The following MUC17 variants were observed in gnomAD, a reference collection of about 807,000 sequenced individuals.
The protein encoded by MUC17 is mucin-17.
Under a neutral mutation model 170.3 loss-of-function variants are expected in MUC17, and 190 were observed. That is an observed-to-expected ratio of 1.12 (90% CI 0.99 to 1.26). MUC17 has a LOEUF of 1.26. MUC17 is among the 50% of genes most tolerant of loss of function. The pLI, the probability that MUC17 is intolerant of heterozygous loss-of-function variation, is 0.00. For missense variants in MUC17, 6,415 were observed against 5,530.0 expected (o/e 1.16, Z -5.08); for synonymous variants, 2,325 against 2,002.5 (o/e 1.16, Z -4.30).
chr7:101,038,929 G>C lies in MUC17; in HGVS notation c.7513G>C (p.Val2505Leu). The C allele has an allele frequency of 1.2e-6, 2 of 1,609,852 alleles. No homozygotes were observed. The highest frequency in any genetic ancestry group is 1.1e-5 in the South Asian group (1 of 90,856). Residue 2505 changes from valine to leucine, a missense_variant, in exon 3 of 13, where the codon GTG becomes CTG. By Grantham distance (32) the Val-to-Leu change is conservative. Coordinates refer to ENST00000306151, the MANE Select transcript of MUC17 (RefSeq NM_001040105.2). ...TCCTACAACTGCTGAAGATATCGTCGTGCCAATCTCAACTGCTAGTGAAGG... is the reference window on the plus strand; with the variant it reads ...TCCTACAACTGCTGAAGATATCGTCCTGCCAATCTCAACTGCTAGTGAAGG... ...SSPTTAEDIV[V>L]PISTASEGST... is the part of the protein sequence containing the mutation.
intron 11 of MUC17, among the ~76,000 whole-genome samples, 169 bp from the exon 12 acceptor site, chr7:101,056,025 G>C (rs930638299): frequency 3.3e-5 from 5 of 152,152 alleles, no homozygotes; most frequent in African/African-American, 1.2e-4. Context: ...CTGTATTAGG[G>C]AGCTGCTGAG....
In MUC17 at chr7:101,031,739, C is replaced by G. The variant is rs1051384198; in HGVS notation, c.323C>G (p.Thr108Ser). The G allele has an allele frequency of 5.6e-6, 9 of 1,604,584 alleles. No individual in the cohort carries two copies. Among genetic ancestry groups the G allele is most frequent in the Non-Finnish European group, 6.8e-6 (8 of 1,171,496 alleles). Residue 108 changes from threonine (T) to serine (S), a missense_variant, in exon 3 of 13, where the codon ACC (threonine) becomes AGC (serine). Physicochemically the swap from Thr to Ser is moderately conservative, Grantham distance 58. Coordinates refer to ENST00000306151, the MANE Select transcript of MUC17 (RefSeq NM_001040105.2). ...VTSDTPGVSS[T>S]RMTPTESRTT... Reference sequence around the variant, plus strand: ...TCAGACACTCCTGGTGTCTCCAGTACCAGGATGACACCAACAGAATCCAGA... The same window carrying G: ...TCAGACACTCCTGGTGTCTCCAGTAGCAGGATGACACCAACAGAATCCAGA...
At position 101,041,670 on chromosome 7, in the gene MUC17, C is replaced by A. The variant is rs145956524; in HGVS notation, c.10254C>A (p.Thr3418=). Residue 3418 remains threonine (T), a synonymous_variant, in exon 3 of 13, where the codon ACC becomes ACA. Coordinates refer to ENST00000306151, the MANE Select transcript of MUC17 (RefSeq NM_001040105.2). The stretch of plus-strand genomic sequence containing the variant: ...CGGTGGTCAGTTCTGAGGTTAACAC[C>A]CTTTCAACAACTCCTGTGGACTCCA... The part of the protein sequence containing the change: ...TTPVVSSEVN[T]LSTTPVDSNT... 1 of 1,613,772 alleles carries A rather than the reference C, an allele frequency of 6.2e-7. No individual in the cohort carries two copies. The highest frequency in any genetic ancestry group is 1.3e-5 in the African/African-American group (1 of 74,830).
rs1449000678 is a variant in MUC17 at position 101,038,837 on chromosome 7, G to T, written c.7421G>T (p.Gly2474Val). 6.2e-7 allele frequency: 1 copy of T among 1,612,512 alleles called. No homozygotes were observed. Among genetic ancestry groups the T allele is most frequent in the East Asian group, 2.2e-5 (1 of 44,774 alleles). ...ACGCCGGTGGTCAGTTCTGAGGCTG[G>T]CACCCTTTCCACAACTCCTGTTGAC... The part of the protein sequence containing the change: ...STTPVVSSEA[G>V]TLSTTPVDTS... The change falls in exon 3 of 13, where the codon GGC becomes GTC. Residue 2474 changes from glycine to valine, a missense_variant. Physicochemically the swap from Gly to Val is moderately radical, Grantham distance 109. Coordinates refer to ENST00000306151, the MANE Select transcript of MUC17 (RefSeq NM_001040105.2).
chr7:101,043,697 C>A lies in MUC17; in HGVS notation c.12281C>A (p.Thr4094Asn). ...VNPEAVTTMTTRTKPSTRTTS... is the reference protein window; with the variant it reads ...VNPEAVTTMTNRTKPSTRTTS... ...CCTGAGGCTGTCACCACCATGACCA[C>A]CAGGACAAAACCCAGCACACGGACC... Residue 4094 changes from threonine to asparagine, a missense_variant, in exon 3 of 13, where the codon ACC (threonine) becomes AAC (asparagine). Coordinates refer to ENST00000306151, the MANE Select transcript of MUC17 (RefSeq NM_001040105.2). The A allele has an allele frequency of 1.2e-6, 2 of 1,614,170 alleles. No individual in the cohort carries two copies. The highest frequency in any genetic ancestry group is 1.7e-6 in the Non-Finnish European group (2 of 1,180,028).
At position 101,040,693 on chromosome 7, in the gene MUC17, A is replaced by G. The variant is rs1385378538; in HGVS notation, c.9277A>G (p.Thr3093Ala). 6.2e-6 allele frequency: 10 copies of G among 1,613,262 alleles called. No homozygotes were observed. The African/African-American group carries it at 6.7e-5, about 11-fold the overall frequency. ...VSSSPTPAEG[T>A]SMPISTYSEG... ...TTCATCTCCTACACCTGCTGAAGGTACCAGCATGCCAATCTCAACTTATAG... is the reference window on the plus strand; with the variant it reads ...TTCATCTCCTACACCTGCTGAAGGTGCCAGCATGCCAATCTCAACTTATAG... Residue 3093 changes from threonine (T) to alanine (A), a missense_variant, in exon 3 of 13, where the codon ACC becomes GCC. By Grantham distance (58) the Thr-to-Ala change is moderately conservative. Coordinates refer to ENST00000306151, the MANE Select transcript of MUC17 (RefSeq NM_001040105.2).
In MUC17 at chr7:101,042,233, C is replaced by G; in HGVS notation, c.10817C>G (p.Pro3606Arg). 1.9e-6 allele frequency: 3 copies of G among 1,614,210 alleles called. No individual in the cohort carries two copies. The highest frequency in any genetic ancestry group is 2.5e-6 in the Non-Finnish European group (3 of 1,180,028). Residue 3606 changes from proline (P) to arginine (R), a missense_variant, in exon 3 of 13, where the codon CCT (proline) becomes CGT (arginine). By Grantham distance (103) the Pro-to-Arg change is moderately radical (BLOSUM62 -2). Transcript: ENST00000306151. Reference sequence around the variant, plus strand: ...ACTCCTTCTGTTGACAGAAGCACACCTGTGACCACTTCTACTCAGAGCAAT... The same window carrying G: ...ACTCCTTCTGTTGACAGAAGCACACGTGTGACCACTTCTACTCAGAGCAAT... ...PSTPSVDRST[P>R]VTTSTQSNST...
At chr7:101,030,015 G>C (rs1395086940) in intron 1 of MUC17, among the ~76,000 whole-genome samples, 1 of 152,114 alleles carries the variant, frequency 6.6e-6, no homozygotes, top group African/African-American at 2.4e-5. Flanking sequence ...AAGTACTTAA[G>C]AAATTCCATA....
In MUC17 at chr7:101,032,544, A is replaced by T; in HGVS notation, c.1128A>T (p.Thr376=). ...CTACTGAACCCAGTTCACTTCCTAC[A>T]ACTGCTGAAGCTACCAGCATGCTAA... The part of the protein sequence containing the change: ...TTSTEPSSLP[T]TAEATSMLTS... Residue 376 remains threonine (T), a synonymous_variant, in exon 3 of 13, where the codon ACA becomes ACT. Transcript: ENST00000306151. 1 of 1,614,078 alleles carries T rather than the reference A, an allele frequency of 6.2e-7. No homozygotes were observed. Among genetic ancestry groups the T allele is most frequent in the Non-Finnish European group, 8.5e-7 (1 of 1,180,004 alleles).
intron 2 of MUC17, 41 bp from the exon 3 acceptor site, chr7:101,031,560 C>T: frequency 4.0e-6 from 6 of 1,506,650 alleles, no homozygotes; most frequent in African/African-American, 1.4e-5. Context: ...ATACAGAACC[C>T]TAAGAAACTT....
At chr7:101,021,053 C>G (rs1181009322) in intron 1 of MUC17, among the ~76,000 whole-genome samples, 1 of 152,180 alleles carries the variant, frequency 6.6e-6, no homozygotes, top group East Asian at 1.9e-4. Context: ...CCAGCCCATT[C>G]GTTGTAATGA....
chr7:101,031,551 T>C, intron 2 of MUC17, 50 bp from the exon 3 acceptor site: 3 of 1,497,532 alleles, frequency 2.0e-6, no homozygotes, highest in Non-Finnish European at 2.7e-6. Flanking sequence ...ACTCCTGACA[T>C]ACAGAACCCT....
At position 101,039,361 on chromosome 7, in the gene MUC17, G is replaced by C. The variant is rs1170444838; in HGVS notation, c.7945G>C (p.Glu2649Gln). ...CAGCACCATGCCAGTGGCCAGTTCT[G>C]AGGCTAGCACCCTTTCAACAACTCC... Reference protein sequence around the residue: ...LVSTMPVASSEASTLSTTPVD... With the variant: ...LVSTMPVASSQASTLSTTPVD... Residue 2649 changes from glutamate to glutamine, a missense_variant, in exon 3 of 13, where the codon GAG becomes CAG. Physicochemically the swap from Glu to Gln is conservative, Grantham distance 29. Transcript: ENST00000306151. 5 of 1,612,804 alleles carry C rather than the reference G, an allele frequency of 3.1e-6. No homozygotes were observed. The highest frequency in any genetic ancestry group is 4.2e-6 in the Non-Finnish European group (5 of 1,179,512).
At chr7:101,056,325 TCTC>T in intron 12 of MUC17, 55 bp downstream of exon 12, 1 of 1,602,474 alleles carries the variant, frequency 6.2e-7, no homozygotes, top group Non-Finnish European at 8.5e-7. Context: ...ACTTTCTTCT[TCTC>T]CTTTCCTACA....
chr7:101,042,625 A>G lies in MUC17; in HGVS notation c.11209A>G (p.Thr3737Ala). Reference protein sequence around the residue: ...TSTEAISSSATLDSTTMSVSM... With the variant: ...TSTEAISSSAALDSTTMSVSM... Reference sequence around the variant, plus strand: ...TACTGAAGCCATTTCATCTTCTGCAACTCTTGACAGCACCACCATGTCTGT... The same window carrying G: ...TACTGAAGCCATTTCATCTTCTGCAGCTCTTGACAGCACCACCATGTCTGT... The change falls in exon 3 of 13, where the codon ACT (threonine) becomes GCT (alanine). Residue 3737 changes from threonine to alanine, a missense_variant. By Grantham distance (58) the Thr-to-Ala change is moderately conservative (BLOSUM62 0). Transcript: ENST00000306151. 1 of 1,614,016 alleles carries G rather than the reference A, an allele frequency of 6.2e-7. No individual in the cohort carries two copies. The highest frequency in any genetic ancestry group is 2.2e-5 in the East Asian group (1 of 44,878).
At position 101,042,000 on chromosome 7, in the gene MUC17, G is replaced by A. The variant is rs543826647; in HGVS notation, c.10584G>A (p.Pro3528=). 4.2e-5 allele frequency: 67 copies of A among 1,611,244 alleles called. No homozygotes were observed. The highest frequency in any genetic ancestry group is 5.1e-5 in the Non-Finnish European group (60 of 1,178,624). The change falls in exon 3 of 13, where the codon CCG becomes CCA. Residue 3528 remains proline, a synonymous_variant. Transcript: ENST00000306151. The part of the protein sequence containing the change: ...PLTNMPVSTT[P]VASSEASTLS... ...CAAATATGCCTGTCAGCACCACACC[G>A]GTGGCCAGTTCTGAGGCTAGCACCC...
chr7:101,051,567 A>G (rs1446631281), intron 7 of MUC17, 46 bp from the exon 8 acceptor site: 6 of 1,596,912 alleles, frequency 3.8e-6, no homozygotes, highest in Non-Finnish European at 5.1e-6. Context: ...AGGACGCAGA[A>G]CAAGCGTGTA....
intron 3 of MUC17, among the ~76,000 whole-genome samples, chr7:101,045,929 C>T (rs1052933936): frequency 2.6e-5 from 4 of 152,208 alleles, no homozygotes; most frequent in Non-Finnish European, 4.4e-5. Flanking sequence ...TTCTGTCTTC[C>T]TCTTCTTCCC....
At position 101,051,690 on chromosome 7, in the gene MUC17, T is replaced by C. The variant is rs776522849; in HGVS notation, c.12943+9T>C. The C allele has an allele frequency of 2.5e-6, 4 of 1,611,288 alleles. No homozygotes were observed. In the East Asian group the frequency reaches 8.9e-5, roughly 36 times the overall value. ...CCAGTACGACCCTGAAGGTAGGTGATAACACAAGGGGTTTGGGGGAAGGCT... is the reference window on the plus strand; with the variant it reads ...CCAGTACGACCCTGAAGGTAGGTGACAACACAAGGGGTTTGGGGGAAGGCT... On this transcript the variant is annotated intron_variant, in intron 8 of 12. Transcript: ENST00000306151.
Sources: allele counts gnomAD v4.1 joint callset (sites outside exome capture counted in the v4.1 genomes callset), GRCh38; gene constraint gnomAD v4.1.1; transcripts MANE v1.5; gene names NCBI Gene and HGNC (gene_info 2026-07-23, HGNC 2026-07-21).